HUWE1: variants seen among roughly 807,000 people sequenced by gnomAD.
The protein encoded by HUWE1 is HECT, UBA and WWE domain containing E3 ubiquitin protein ligase 1, also known as E3 ubiquitin-protein ligase HUWE1.
Under a neutral mutation model 299.4 loss-of-function variants are expected in HUWE1, and 18 were observed. The ratio of observed to expected loss-of-function variants is 0.06; its 90% confidence interval spans 0.04 to 0.09. The LOEUF is 0.09. HUWE1 is among the 10% of genes least tolerant of loss of function. The pLI is 1.00. For synonymous variants in HUWE1, 1,317 were observed against 1,286.1 expected, an observed-to-expected ratio of 1.02 and a Z score of -0.51; for missense variants, 1,832 against 3,462.3, an observed-to-expected ratio of 0.53 and a Z score of 11.82.
chrX:53,577,687 T>G (rs1274049857), intron 43 of HUWE1, among the ~76,000 whole-genome samples: 1 of 104,975 alleles, frequency 9.5e-6, no homozygotes, highest in Non-Finnish European at 2.1e-5. Context: ...CCTGACTGGT[T>G]TTCGTTTTTT....
intron 7 of HUWE1, among the ~76,000 whole-genome samples, chrX:53,639,071 A>C (rs960124755): frequency 9.8e-5 from 11 of 112,525 alleles, no homozygotes; most frequent in African/African-American, 3.2e-4. Context: ...AAAACACAAT[A>C]AACAAAGACA....
chrX:53,682,006 T>C (rs1175416861), intron 2 of HUWE1, among the ~76,000 whole-genome samples: 1 of 111,472 alleles, frequency 9.0e-6, no homozygotes, highest in Admixed American at 9.5e-5. Flanking sequence ...ATAAAAAGTT[T>C]GGCCTATGAG....
intron 66 of HUWE1, among the ~76,000 whole-genome samples, chrX:53,549,855 T>C (rs2061696126): frequency 9.3e-6 from 1 of 108,093 alleles, no homozygotes; most frequent in Admixed American, 1.0e-4. Context: ...AGGATTCAAG[T>C]GATTCTCGTG....
intron 60 of HUWE1, among the ~76,000 whole-genome samples, chrX:53,555,319 C>T (rs2147421599): frequency 9.0e-6 from 1 of 111,723 alleles, no homozygotes; most frequent in East Asian, 2.8e-4. Context: ...GTCAGAATTT[C>T]GTTCAAAACT....
intron 3 of HUWE1, among the ~76,000 whole-genome samples, chrX:53,659,422 T>C (rs1257311288): frequency 9.1e-6 from 1 of 109,592 alleles, no homozygotes; most frequent in Non-Finnish European, 1.9e-5. Context: ...TGCATATTAG[T>C]AAGTGAAAGA....
rs1244489845 is a variant in HUWE1 at position 53,559,029 on chromosome X, G to C, written c.7947C>G (p.Thr2649=). The part of the protein sequence containing the change: ...GTLSSIPTAL[T]RWTEECKVLD... ...GAACTTTGCATTCTTCTGTCCAGCG[G>C]GTCAGGGCTGTGGGGATGCTGGACA... The change falls in exon 58 of 84, where the codon ACC becomes ACG. Residue 2649 remains threonine (T), a synonymous_variant. Transcript: ENST00000262854. 1 of 1,169,262 alleles carries C rather than the reference G, an allele frequency of 8.6e-7. No individual in the cohort carries two copies. The highest frequency in any genetic ancestry group is 1.1e-6 in the Non-Finnish European group (1 of 873,795).
chrX:53,632,018 T>TAGTATAGG, intron 9 of HUWE1: 1 of 333,206 alleles, frequency 3.0e-6, no homozygotes, highest in African/African-American at 2.6e-5. Context: ...ATTTATTGAA[T>TAGTATAGG]AGTATAGGTA....
rs781945430 is a variant in HUWE1 at position 53,588,544 on chromosome X, C to CA, written c.4462-11dup. 4.9e-5 allele frequency: 59 copies of CA among 1,193,134 alleles called. No homozygotes were observed. The highest frequency in any genetic ancestry group is 3.6e-4 in the East Asian group (12 of 33,484). ...CAGCAGCTTCCCACACCTAGAAAAGCAAAAAAAGGGTTAAGTCACGGAACC... is the reference window on the plus strand; with the variant it reads ...CAGCAGCTTCCCACACCTAGAAAAGCAAAAAAAAGGGTTAAGTCACGGAACC... On this transcript the variant is annotated splice_polypyrimidine_tract_variant and intron_variant, in intron 36 of 83. Transcript: ENST00000262854.
chrX:53,551,214 G>C, intron 64 of HUWE1, 25 bp from the exon 65 acceptor site: 1 of 1,211,188 alleles, frequency 8.3e-7, no homozygotes, highest in Non-Finnish European at 1.1e-6. Flanking sequence ...AAGTCAATGA[G>C]GGCATTTCTC....
In HUWE1 at chrX:53,535,369, G is replaced by C; in HGVS notation, c.12649+15C>G. ...TCATATTGAGCAACTAGAGGTCTAG[G>C]AACATTTCCCCTACCTGTCATTCTC... On this transcript the variant is annotated intron_variant, in intron 81 of 83. Transcript: ENST00000262854. The C allele has an allele frequency of 9.7e-7, 1 of 1,035,521 alleles. No individual in the cohort carries two copies. The highest frequency in any genetic ancestry group is 1.4e-6 in the Non-Finnish European group (1 of 734,762). The allele number at this position is 1,035,521 out of a possible 1,213,427, so 85.3% of individuals were successfully genotyped here.
chrX:53,632,221 G>A (rs1198798973), intron 9 of HUWE1, among the ~76,000 whole-genome samples: 1 of 111,845 alleles, frequency 8.9e-6, no homozygotes, highest in Non-Finnish European at 1.9e-5. Flanking sequence ...AATTCTCAGA[G>A]ACTGTGGGAA....
At chrX:53,638,212 C>G (rs782138235) in intron 7 of HUWE1, among the ~76,000 whole-genome samples, 10 of 111,345 alleles carry the variant, frequency 9.0e-5, no homozygotes, top group African/African-American at 2.9e-4. Context: ...TGGTGACGGG[C>G]GCCTGTAGTC....
chrX:53,673,504 T>C (rs1354180162), intron 3 of HUWE1, among the ~76,000 whole-genome samples: 18 of 111,801 alleles, frequency 1.6e-4, no homozygotes, highest in Non-Finnish European at 2.4e-4. Flanking sequence ...ACAAGTACAG[T>C]TCTGTTACAT....
At chrX:53,657,273 A>G (rs1183553033) in intron 3 of HUWE1, among the ~76,000 whole-genome samples, 1 of 112,311 alleles carries the variant, frequency 8.9e-6, no homozygotes. Context: ...TTCCCCCTTA[A>G]ATAATCACAA....
intron 23 of HUWE1, among the ~76,000 whole-genome samples, chrX:53,614,002 C>T (rs1327951481): frequency 8.9e-6 from 1 of 112,266 alleles, no homozygotes; most frequent in Non-Finnish European, 1.9e-5. Flanking sequence ...CGGTAGCTCA[C>T]GCCTGTAATC....
At chrX:53,667,926 ACTGT>A (rs1293092779) in intron 3 of HUWE1, among the ~76,000 whole-genome samples, 14 of 111,721 alleles carry the variant, frequency 1.3e-4, no homozygotes, top group African/African-American at 4.2e-4. Flanking sequence ...AAGTTAAGAC[ACTGT>A]CTATCTAGCC....
chrX:53,596,046 T>C (rs913761525), intron 29 of HUWE1, among the ~76,000 whole-genome samples: 7 of 112,552 alleles, frequency 6.2e-5, no homozygotes, highest in Admixed American at 9.4e-5. Flanking sequence ...ATTTCATGTG[T>C]TTTTATATTT....
At chrX:53,553,466 A>G (rs1556931259) in intron 61 of HUWE1, among the ~76,000 whole-genome samples, 1 of 105,465 alleles carries the variant, frequency 9.5e-6, no homozygotes, top group Non-Finnish European at 1.9e-5. Flanking sequence ...TTTCACTTTG[A>G]TTCACTGCAG....
chrX:53,663,437 C>A (rs1042840663), intron 3 of HUWE1, among the ~76,000 whole-genome samples: 3 of 110,690 alleles, frequency 2.7e-5, no homozygotes, highest in African/African-American at 9.9e-5. Flanking sequence ...CGCTTAAACC[C>A]GGGAGGCGGA....
Sources: allele counts gnomAD v4.1 joint callset (sites outside exome capture counted in the v4.1 genomes callset), GRCh38; gene constraint gnomAD v4.1.1; transcripts MANE v1.5; gene names NCBI Gene and HGNC (gene_info 2026-07-23, HGNC 2026-07-21).